TLK1: variants seen among roughly 807,000 people sequenced by gnomAD.
TLK1 encodes tousled like kinase 1.
Under a neutral mutation model 105.3 loss-of-function variants are expected in TLK1, and 24 were observed. The observed-to-expected ratio is 0.23, with a 90% CI of 0.17 to 0.32. The LOEUF (loss-of-function observed/expected upper bound fraction) is 0.32, where lower values mean the gene tolerates loss of function less well. Among genes scored for constraint, TLK1 ranks in the 10% least tolerant of loss-of-function variants. The pLI is 1.00. For synonymous variants in TLK1, 321 were observed against 310.4 expected (o/e 1.03, Z -0.36); for missense variants, 558 against 910.5 (o/e 0.61, Z 4.98).
intron 11 of TLK1, among the ~76,000 whole-genome samples, chr2:171,029,557 G>A (rs1433527271): frequency 6.6e-6 from 1 of 152,142 alleles, no homozygotes; most frequent in Non-Finnish European, 1.5e-5. Context: ...TTGAACTCCT[G>A]GGCTCAGGTG....
chr2:171,212,931 G>GA (rs1410085589), intron 1 of TLK1, among the ~76,000 whole-genome samples: 2 of 151,438 alleles, frequency 1.3e-5, no homozygotes, highest in East Asian at 3.9e-4. Flanking sequence ...TATTTAACAT[G>GA]AAAAAACTTG....
chr2:171,142,610 T>C (rs1691625232), intron 1 of TLK1, among the ~76,000 whole-genome samples: 1 of 152,076 alleles, frequency 6.6e-6, no homozygotes, highest in African/African-American at 2.4e-5. Context: ...TTTAACATAA[T>C]CAAAATATAT....
At chr2:171,025,652 A>C (rs1248974812) in intron 12 of TLK1, among the ~76,000 whole-genome samples, 1 of 152,216 alleles carries the variant, frequency 6.6e-6, no homozygotes, top group African/African-American at 2.4e-5. Context: ...GGGAGCTGAT[A>C]AGACAGAAGT....
chr2:171,005,533 T>C (rs1033413739), intron 18 of TLK1, among the ~76,000 whole-genome samples: 2 of 151,390 alleles, frequency 1.3e-5, no homozygotes, highest in African/African-American at 2.4e-5. Flanking sequence ...ATACCAGGAG[T>C]TCAAGACCAG....
chr2:171,182,922 C>CA (rs756752409), intron 1 of TLK1, among the ~76,000 whole-genome samples: 885 of 61,290 alleles, frequency 0.014, 7 homozygotes, highest in South Asian at 0.052. Flanking sequence ...ACCCTGACTC[C>CA]AAAAAAAAAA....
chr2:171,113,772 A>C (rs1260630962), intron 2 of TLK1, among the ~76,000 whole-genome samples: 3 of 152,218 alleles, frequency 2.0e-5, no homozygotes, highest in Non-Finnish European at 4.4e-5. Flanking sequence ...GATGGATTAA[A>C]GAGCAAGTAT....
chr2:171,092,939 G>T, intron 2 of TLK1, among the ~76,000 whole-genome samples: 1 of 152,128 alleles, frequency 6.6e-6, no homozygotes, highest in Admixed American at 6.5e-5. Flanking sequence ...CAAAGAGCTT[G>T]CTGATACTGG....
At chr2:171,055,576 A>G (rs779786197) in intron 6 of TLK1, among the ~76,000 whole-genome samples, 7 of 152,078 alleles carry the variant, frequency 4.6e-5, no homozygotes, top group Non-Finnish European at 7.4e-5. Flanking sequence ...ATGTAGTTTA[A>G]TATCAATTTA....
chr2:171,021,433 CTTTT>C (rs531522490), intron 12 of TLK1, among the ~76,000 whole-genome samples: 3 of 116,812 alleles, frequency 2.6e-5, no homozygotes, highest in Admixed American at 8.8e-5. Flanking sequence ...CCCGCCCCGA[CTTTT>C]TTTTTTTTTT....
chr2:171,051,117 A>C (rs1267110664), intron 8 of TLK1, among the ~76,000 whole-genome samples: 1 of 152,218 alleles, frequency 6.6e-6, no homozygotes, highest in African/African-American at 2.4e-5. Flanking sequence ...TCAGCAATTC[A>C]AACAAAATCT....
At position 170,995,229 on chromosome 2, in the gene TLK1, A is replaced by C. The variant is rs1559329650; in HGVS notation, c.2125-1273T>G. 2.0e-5 allele frequency among the ~76,000 whole-genome samples: 3 copies of C among 152,182 alleles called. No homozygotes were observed. The South Asian group carries it at 6.2e-4, about 32-fold the overall frequency. The stretch of plus-strand genomic sequence containing the variant: ...GGCTATCAATAGCAAGGTTAAGGTT[A>C]AGTCTGCAACAAATAATGTACTTAA... On this transcript the variant is annotated intron_variant, in intron 20 of 20. Coordinates refer to ENST00000431350, the MANE Select transcript of TLK1 (RefSeq NM_012290.5).
At chr2:171,053,737 T>TC in intron 8 of TLK1, 24 bp downstream of exon 8, 1 of 1,509,098 alleles carries the variant, frequency 6.6e-7, no homozygotes, top group East Asian at 2.3e-5. Flanking sequence ...TCAATTTTTT[T>TC]CCCCTCTATG....
chr2:171,105,681 C>T (rs1192556805), intron 2 of TLK1, among the ~76,000 whole-genome samples: 2 of 151,410 alleles, frequency 1.3e-5, no homozygotes, highest in African/African-American at 4.9e-5. Flanking sequence ...AGCGAGACTC[C>T]GTCTCGAAAA....
Position 171,192,445 on chromosome 2 carries a change from C to A in TLK1, c.-6+38700G>T, listed in dbSNP as rs188827018. On this transcript the variant is annotated intron_variant, in intron 1 of 20. Transcript: ENST00000521943. The stretch of plus-strand genomic sequence containing the variant: ...CTATAATCCCAGCACTTTGGGAGGC[C>A]GAGGCGGGCGGATCACGAGGTCAGG... 5.5e-3 allele frequency among the ~76,000 whole-genome samples: 842 copies of A among 151,832 alleles called. 9 individuals are homozygous for A. Among genetic ancestry groups the A allele is most frequent in the African/African-American group, 0.02 (812 of 41,456 alleles).
At chr2:171,142,210 A>G (rs542450585) in intron 1 of TLK1, among the ~76,000 whole-genome samples, 3 of 152,280 alleles carry the variant, frequency 2.0e-5, no homozygotes, top group South Asian at 2.1e-4. Context: ...ACAAAAAATA[A>G]TAATAATCCC....
chr2:171,218,220 T>C (rs1693748230), intron 1 of TLK1, among the ~76,000 whole-genome samples: 1 of 152,230 alleles, frequency 6.6e-6, no homozygotes, highest in Non-Finnish European at 1.5e-5. Flanking sequence ...ATCACTGCAC[T>C]CCAGCCTGGT....
intron 2 of TLK1, among the ~76,000 whole-genome samples, chr2:171,115,166 A>ATCTCTTT (rs1690356338): frequency 3.9e-5 from 4 of 103,796 alleles, no homozygotes; most frequent in African/African-American, 1.9e-4. Context: ...TCTTTTAAGA[A>ATCTCTTT]TTTCTTTCTT....
chr2:171,046,068 T>A (rs148687724), intron 11 of TLK1, 106 bp downstream of exon 11: 26 of 1,015,634 alleles, frequency 2.6e-5, no homozygotes, highest in Non-Finnish European at 3.6e-5. Context: ...TTCCTGGTCT[T>A]AATCATTTTT....
chr2:171,028,540 C>CT, intron 11 of TLK1, 135 bp from the exon 12 acceptor site: 1 of 591,252 alleles, frequency 1.7e-6, no homozygotes, highest in East Asian at 2.9e-5. Context: ...GCCAAAAATC[C>CT]TTTGAGATAT....
Sources: allele counts gnomAD v4.1 joint callset (sites outside exome capture counted in the v4.1 genomes callset), GRCh38; gene constraint gnomAD v4.1.1; transcripts MANE v1.5; gene names NCBI Gene and HGNC (gene_info 2026-07-23, HGNC 2026-07-21).